Variants in SH3BP2 observed in about 807,000 individuals in gnomAD.
SH3BP2 encodes the protein SH3 domain binding protein 2, also known as SH3 domain-binding protein 2.
SH3BP2 carries 38 observed loss-of-function variants against 56.2 expected under a neutral mutation model. The observed-to-expected ratio is 0.68, with a 90% CI of 0.52 to 0.89. The LOEUF (loss-of-function observed/expected upper bound fraction) is 0.89. SH3BP2 is among the 40% of genes least tolerant of loss of function. The pLI is 0.00. For missense variants in SH3BP2, 748 were observed against 762.6 expected (o/e 0.98, Z 0.23); for synonymous variants, 346 against 316.7 (o/e 1.09, Z -0.98).
chr4:2,826,633 GCT>G (rs1199504718), intron 5 of SH3BP2: 28 of 306,800 alleles, frequency 9.1e-5, no homozygotes, highest in Non-Finnish European at 1.3e-4. Flanking sequence ...TCTGCGTGTT[GCT>G]CTGTGTGTGT....
chr4:2,829,760 T>C lies in SH3BP2; in HGVS notation c.854T>C (p.Met285Thr). ...ATGAGCGATCCCCCTCTGAGCACCA[T>C]GCCCACCGCACCCGGCCTCCGGAAA... ...RRMSDPPLSTMPTAPGLRKPP... is the reference protein window; with the variant it reads ...RRMSDPPLSTTPTAPGLRKPP... The change falls in exon 8 of 13, where the codon ATG (methionine) becomes ACG (threonine). Residue 285 changes from methionine to threonine, a missense_variant. Physicochemically the swap from Met to Thr is moderately conservative, Grantham distance 81. This residue lies in a region of SH3BP2 where 635 missense variants were observed against 615.0 expected (regional missense o/e 1.03). Transcript: ENST00000503393. This position sits in a 1 kb window ranked among gnomAD's most constrained non-coding sequence, Gnocchi z 4.9. 1 of 1,613,030 alleles carries C rather than the reference T, an allele frequency of 6.2e-7. No individual in the cohort carries two copies. The highest frequency in any genetic ancestry group is 1.7e-5 in the Admixed American group (1 of 60,022).
chr4:2,812,859 G>T (rs1188613270), intron 1 of SH3BP2, among the ~76,000 whole-genome samples: 1 of 147,088 alleles, frequency 6.8e-6, no homozygotes, highest in Non-Finnish European at 1.5e-5. Flanking sequence ...TACACACGTT[G>T]TGTATGTGAG....
chr4:2,832,147 G>T, intron 10 of SH3BP2, 169 bp downstream of exon 10: 1 of 965,554 alleles, frequency 1.0e-6, no homozygotes, highest in Non-Finnish European at 1.6e-6. Flanking sequence ...TGCCCAGCTG[G>T]CACCCTGGCT....
At chr4:2,826,861 G>C in intron 5 of SH3BP2, 2 of 471,670 alleles carry the variant, frequency 4.2e-6, no homozygotes, top group South Asian at 3.3e-5. Flanking sequence ...CAGAGTCCTT[G>C]TGTCTGTGTG....
intron 2 of SH3BP2, 76 bp from the exon 3 acceptor site, chr4:2,822,859 C>T (rs1289359355): frequency 1.1e-5 from 12 of 1,121,932 alleles, no homozygotes; most frequent in East Asian, 2.4e-5. Flanking sequence ...CCAAGTTGTC[C>T]TGTGGAGGGT....
Position 2,805,929 on chromosome 4 carries a change from C to T in SH3BP2, c.-5+12791C>T, listed in dbSNP as rs560493261. On this transcript the variant is annotated intron_variant, in intron 1 of 12. Transcript: ENST00000503393. ...ATGTGGCTCTGTCTGTGCCAAGGGC[C>T]GCGGGGAGACGCCTGTTCTGGAGGC... 5.9e-4 allele frequency among the ~76,000 whole-genome samples: 90 copies of T among 152,252 alleles called. No individual in the cohort carries two copies. In the East Asian group the frequency reaches 6.0e-3, roughly 10 times the overall value.
At chr4:2,802,320 G>A (rs1380034267) in intron 1 of SH3BP2, among the ~76,000 whole-genome samples, 1 of 151,754 alleles carries the variant, frequency 6.6e-6, no homozygotes, top group Admixed American at 6.6e-5. Flanking sequence ...CTTGAACCAA[G>A]GAGACAGAGG....
At chr4:2,800,776 A>C (rs552866465) in intron 1 of SH3BP2, among the ~76,000 whole-genome samples, 201 of 152,258 alleles carry the variant, frequency 1.3e-3, no homozygotes, top group African/African-American at 4.5e-3. Flanking sequence ...AGGGAGCAGT[A>C]AGGGCATTGG....
At chr4:2,833,426 A>C in intron 12 of SH3BP2, 1 of 587,812 alleles carries the variant, frequency 1.7e-6, no homozygotes, top group South Asian at 2.0e-5. Flanking sequence ...GGCGTGGGCC[A>C]CCGTGCCTGG....
rs983568284 is a variant in SH3BP2, at chr4:2,824,886, G to T, written c.357+156G>T. The T allele has an allele frequency of 4.3e-6, 3 of 694,424 alleles. No homozygotes were observed. The African/African-American group carries it at 5.3e-5, about 12-fold the overall frequency. 43.0% of individuals were successfully genotyped at this position (694,424 alleles called of 1,614,324 possible). A position where few individuals can be genotyped will look rare whatever the true frequency, so the allele number is the denominator to read the frequency against. On this transcript the variant is annotated intron_variant, in intron 4 of 12. Coordinates refer to ENST00000503393, the MANE Select transcript of SH3BP2 (RefSeq NM_001122681.2). ...GGCTGGGACACAGGCAGCTGGGTGGGTGCTGCCCCAGCTCCATCCCCATGC... is the reference window on the plus strand; with the variant it reads ...GGCTGGGACACAGGCAGCTGGGTGGTTGCTGCCCCAGCTCCATCCCCATGC...
intron 1 of SH3BP2, among the ~76,000 whole-genome samples, chr4:2,800,550 C>CG (rs67452224): frequency 0.13 from 1,575 of 12,410 alleles, 23 homozygotes; most frequent in Non-Finnish European, 0.13. Flanking sequence ...CCTGTGACCG[C>CG]CCCCCCCCCG....
At chr4:2,807,479 A>G (rs1459955367) in intron 1 of SH3BP2, among the ~76,000 whole-genome samples, 1 of 152,192 alleles carries the variant, frequency 6.6e-6, no homozygotes, top group African/African-American at 2.4e-5. Context: ...TGCCAGGGAC[A>G]CATGGGGTAA....
In SH3BP2 at chr4:2,839,619, A is replaced by T. The variant is rs558473964; in HGVS notation, c.*5785A>T. ...GGTCTTGCTCTGTCACCCAGGCTGG[A>T]GTGTTATGGCACAATCTTGGCTTAT... is the stretch of plus-strand genomic sequence containing the variant. On this transcript the variant is annotated 3_prime_UTR_variant, in exon 13 of 13. Coordinates refer to ENST00000503393, the MANE Select transcript of SH3BP2 (RefSeq NM_001122681.2). 2.2e-4 allele frequency: 33 copies of T among 151,406 alleles called. No homozygotes were observed. The highest frequency in any genetic ancestry group is 7.3e-4 in the African/African-American group (30 of 41,182). The allele number at this position is 151,406 out of a possible 1,614,324, so 9.4% of individuals were successfully genotyped here. A position where few individuals can be genotyped will look rare whatever the true frequency, so the allele number is the denominator to read the frequency against.
At position 2,829,723 on chromosome 4, in the gene SH3BP2, AC is replaced by A. The variant is rs776466609; in HGVS notation, c.823del (p.Arg275GlufsTer3). 1.2e-6 allele frequency: 2 copies of A among 1,611,576 alleles called. No individual in the cohort carries two copies. Among genetic ancestry groups the A allele is most frequent in the Non-Finnish European group, 8.5e-7 (1 of 1,179,462 alleles). On this transcript the variant is annotated frameshift_variant, in exon 8 of 13. Coordinates refer to ENST00000503393, the MANE Select transcript of SH3BP2 (RefSeq NM_001122681.2). LOFTEE classifies it high-confidence loss of function. This position sits in a 1 kb window ranked among gnomAD's most constrained non-coding sequence, Gnocchi z 4.9. ...RAEPCPRVPA[T>X]PRRMSDPPLS... ...TGAGCCTTGCCCCAGGGTACCTGCTACCCCCCGAAGGATGAGCGATCCCCCT... is the reference window on the plus strand; with the variant it reads ...TGAGCCTTGCCCCAGGGTACCTGCTACCCCCGAAGGATGAGCGATCCCCCT...
chr4:2,824,924 G>T, intron 4 of SH3BP2, 194 bp downstream of exon 4: 1 of 670,416 alleles, frequency 1.5e-6, no homozygotes, highest in Non-Finnish European at 2.6e-6. Context: ...AGAGCCTGGT[G>T]CCAGCGCCCA....
intron 1 of SH3BP2, among the ~76,000 whole-genome samples, chr4:2,804,986 C>T (rs1723471880): frequency 6.6e-6 from 1 of 152,252 alleles, no homozygotes; most frequent in Non-Finnish European, 1.5e-5. Context: ...GTGGACATTT[C>T]CTTGGGGGCT....
intron 1 of SH3BP2, among the ~76,000 whole-genome samples, chr4:2,799,458 T>C (rs746742603): frequency 6.6e-6 from 1 of 152,164 alleles, no homozygotes; most frequent in Admixed American, 6.5e-5. Flanking sequence ...TTCTTGAGGA[T>C]GTGACCAGGA....
chr4:2,821,412 C>T (rs1724298723), intron 2 of SH3BP2, among the ~76,000 whole-genome samples: 1 of 152,174 alleles, frequency 6.6e-6, no homozygotes, highest in African/African-American at 2.4e-5. Flanking sequence ...AGACAGCCTC[C>T]TTGGAGGAGC....
chr4:2,829,066 C>G lies in SH3BP2; in HGVS notation c.587-427C>G, dbSNP rs1231864396. Among the ~76,000 whole-genome samples, 1 of 152,202 alleles carries G rather than the reference C, an allele frequency of 6.6e-6. No homozygotes were observed. Among genetic ancestry groups the G allele is most frequent in the African/African-American group, 2.4e-5 (1 of 41,452 alleles). On this transcript the variant is annotated intron_variant, in intron 7 of 12. Coordinates refer to ENST00000503393, the MANE Select transcript of SH3BP2 (RefSeq NM_001122681.2). This position sits in a 1 kb window ranked among gnomAD's most constrained non-coding sequence, Gnocchi z 4.9. ...CCCCGCATCCCCTGGCATCTCCCAG[C>G]TTTCTGGATATGTTCTGAGCAAACA... is the stretch of plus-strand genomic sequence containing the variant.
Sources: gnomAD v4.1 joint callset for allele counts (sites outside exome capture counted in the v4.1 genomes callset) on GRCh38, gnomAD v4.1.1 for gene constraint, gnomAD v4.1.1 regional missense constraint, Gnocchi (gnomAD v3.1) non-coding constraint, MANE v1.5 for transcripts, NCBI Gene and HGNC (gene_info 2026-07-23, HGNC 2026-07-21) for gene names.